Variants in SLC4A5 observed in about 807,000 individuals in gnomAD.
The protein encoded by SLC4A5 is electrogenic sodium bicarbonate cotransporter 4.
In SLC4A5, 96 loss-of-function variants were observed where a neutral mutation model predicts 120.4. The ratio of observed to expected loss-of-function variants is 0.80; its 90% CI spans 0.68 to 0.94. The LOEUF (loss-of-function observed/expected upper bound fraction) is 0.94, where lower values mean the gene tolerates loss of function less well. Ranked by LOEUF, SLC4A5 falls within the 40% of genes least tolerant of loss-of-function variation. The pLI is 0.00. For missense variants in SLC4A5, 1,259 were observed against 1,459.5 expected, an observed-to-expected ratio of 0.86 and a Z score of 2.24; for synonymous variants, 550 against 571.1, an observed-to-expected ratio of 0.96 and a Z score of 0.53.
chr2:74,307,440 G>C (rs1221487171), intron 6 of SLC4A5: 5 of 632,216 alleles, frequency 7.9e-6, no homozygotes, highest in African/African-American at 7.3e-5. Context: ...AGTGACACTG[G>C]TGTCATCAAT....
At chr2:74,310,368 C>T (rs999173281) in intron 6 of SLC4A5, among the ~76,000 whole-genome samples, 1 of 152,140 alleles carries the variant, frequency 6.6e-6, no homozygotes, top group Admixed American at 6.5e-5. Flanking sequence ...GATCTCTTTG[C>T]TTTGTTCCTG....
exon 19 of SLC4A5, chr2:74,247,222 C>A: frequency 6.2e-7 from 1 of 1,614,202 alleles, no homozygotes; most frequent in African/African-American, 1.3e-5. Context: ...ATAAAGCTGG[C>A]ATCTGTGGCC....
chr2:74,311,366 CTT>C (rs749118225), intron 6 of SLC4A5, among the ~76,000 whole-genome samples: 62 of 152,178 alleles, frequency 4.1e-4, no homozygotes, highest in Non-Finnish European at 6.3e-4. Context: ...AATTCCTTCT[CTT>C]GTTTCCTAAT....
intron 25 of SLC4A5, among the ~76,000 whole-genome samples, chr2:74,228,345 C>T (rs7579359): frequency 0.27 from 41,581 of 151,996 alleles, 6,533 homozygotes; most frequent in Middle Eastern, 0.4. Flanking sequence ...ATCACGCATC[C>T]GGCCGGGTGT....
chr2:74,286,046 T>TG (rs1671972371), intron 7 of SLC4A5, 144 bp from the exon 8 acceptor site: 1 of 901,196 alleles, frequency 1.1e-6, no homozygotes, highest in Admixed American at 3.2e-5. Flanking sequence ...TGGGTGATGC[T>TG]GGCCTCCTGT....
chr2:74,226,641 A>G (rs191341301), intron 27 of SLC4A5, among the ~76,000 whole-genome samples: 5 of 152,240 alleles, frequency 3.3e-5, no homozygotes, highest in East Asian at 1.9e-4. Flanking sequence ...GAATTTTGGC[A>G]GTGGGAACTC....
At chr2:74,275,283 C>T (rs1162335012) in intron 8 of SLC4A5, among the ~76,000 whole-genome samples, 1 of 152,196 alleles carries the variant, frequency 6.6e-6, no homozygotes, top group African/African-American at 2.4e-5. Flanking sequence ...TCCTGCACAC[C>T]ATGTCCTCAT....
At chr2:74,223,357 C>A (rs991765828) in intron 28 of SLC4A5, among the ~76,000 whole-genome samples, 6 of 152,206 alleles carry the variant, frequency 3.9e-5, no homozygotes, top group Non-Finnish European at 4.4e-5. Context: ...ACATTGCAAA[C>A]CACCATTCTG....
chr2:74,314,633 T>A (rs1175665753), intron 6 of SLC4A5, among the ~76,000 whole-genome samples: 2 of 152,248 alleles, frequency 1.3e-5, no homozygotes, highest in African/African-American at 4.8e-5. Context: ...AATCTATTAA[T>A]ATAAAATGTT....
intron 16 of SLC4A5, among the ~76,000 whole-genome samples, 164 bp downstream of exon 16, chr2:74,252,015 T>G (rs985288378): frequency 2.0e-5 from 3 of 152,056 alleles, no homozygotes; most frequent in Non-Finnish European, 2.9e-5. Flanking sequence ...TGAGGCAACC[T>G]TTTGGGGATC....
chr2:74,340,696 G>A (rs555921046), intron 2 of SLC4A5, among the ~76,000 whole-genome samples: 22 of 152,256 alleles, frequency 1.4e-4, no homozygotes, highest in African/African-American at 4.6e-4. Context: ...GATCACAAAC[G>A]TATAGTTTTC....
intron 7 of SLC4A5, among the ~76,000 whole-genome samples, chr2:74,297,600 C>T (rs1176001727): frequency 1.3e-5 from 2 of 152,194 alleles, no homozygotes; most frequent in Non-Finnish European, 2.9e-5. Context: ...TCTAAAGCTG[C>T]TTCTAATCCT....
intron 12 of SLC4A5, among the ~76,000 whole-genome samples, chr2:74,257,196 G>A (rs1368933848): frequency 6.6e-6 from 1 of 152,078 alleles, no homozygotes; most frequent in African/African-American, 2.4e-5. Flanking sequence ...AGCACGAGGA[G>A]GGGCTCGTGA....
chr2:74,233,527 AG>A lies in SLC4A5; in HGVS notation c.2469del (p.Phe824LeufsTer19). 1.9e-6 allele frequency: 3 copies of A among 1,613,978 alleles called. No homozygotes were observed. The highest frequency in any genetic ancestry group is 2.5e-6 in the Non-Finnish European group (3 of 1,179,960). On this transcript the variant is annotated frameshift_variant, in exon 23 of 31. Transcript: ENST00000394019. LOFTEE classifies it high-confidence loss of function. ...TATACCCACCACGGGTTCTTCCCAA[AG>A]GGGGCCACGAACCAGCCTCGGTCAG... is the stretch of plus-strand genomic sequence containing the variant.
At chr2:74,264,905 C>G (rs1017900783) in intron 9 of SLC4A5, among the ~76,000 whole-genome samples, 199 bp downstream of exon 9, 1 of 152,230 alleles carries the variant, frequency 6.6e-6, no homozygotes, top group East Asian at 1.9e-4. Context: ...CTTTTCCTCT[C>G]TACTGGAGGT....
chr2:74,221,459 AG>A, exon 30 of SLC4A5: 8 of 1,614,008 alleles, frequency 5.0e-6, no homozygotes, highest in Non-Finnish European at 6.8e-6. Context: ...GTGTCACTGA[AG>A]GAAGAATCAG....
rs1261198389 is a variant in SLC4A5 at position 74,255,130 on chromosome 2, C to T, written c.1026-424G>A. ...GCCACTGCGCTGGGCCCATTCTTAA[C>T]TTTTTTACTTCCCTCCATGGAACCC... On this transcript the variant is annotated intron_variant, in intron 13 of 30. Transcript: ENST00000394019. The surrounding 1 kb of genome is among the most constrained non-coding windows in gnomAD (Gnocchi z 4.0). 1.3e-5 allele frequency among the ~76,000 whole-genome samples: 2 copies of T among 151,940 alleles called. No homozygotes were observed. The highest frequency in any genetic ancestry group is 2.9e-5 in the Non-Finnish European group (2 of 67,988).
intron 27 of SLC4A5, among the ~76,000 whole-genome samples, chr2:74,226,213 C>T (rs1433124114): frequency 6.6e-6 from 1 of 152,160 alleles, no homozygotes; most frequent in Non-Finnish European, 1.5e-5. Flanking sequence ...CTAGACCCCT[C>T]CCAGCAGTGT....
chr2:74,285,251 GA>G (rs1416103917), intron 8 of SLC4A5, among the ~76,000 whole-genome samples: 1 of 152,074 alleles, frequency 6.6e-6, no homozygotes, highest in Non-Finnish European at 1.5e-5. Flanking sequence ...CCTGTCTCTG[GA>G]AAAACAACAA....
Sources: gnomAD v4.1 joint callset for allele counts (sites outside exome capture counted in the v4.1 genomes callset) on GRCh38, gnomAD v4.1.1 for gene constraint, Gnocchi (gnomAD v3.1) non-coding constraint, MANE v1.5 for transcripts, NCBI Gene and HGNC (gene_info 2026-07-23, HGNC 2026-07-21) for gene names.